The following PRRC2B variants were observed in gnomAD, a reference collection of about 807,000 sequenced individuals.
The protein encoded by PRRC2B is protein PRRC2B.
PRRC2B carries 68 observed loss-of-function variants against 242.3 expected under a neutral mutation model. That is an observed-to-expected ratio of 0.28 (90% CI 0.23 to 0.34). The LOEUF (loss-of-function observed/expected upper bound fraction) is 0.34. Among genes scored for constraint, PRRC2B ranks in the 10% least tolerant of loss-of-function variants. The probability of loss-of-function intolerance (pLI) is 1.00; values close to 1 mark genes in which losing one functional copy is unlikely to be tolerated. For synonymous variants in PRRC2B, 1,228 were observed against 1,173.6 expected (o/e 1.05, Z -0.95); for missense variants, 2,835 against 2,954.8 (o/e 0.96, Z 0.94).
chr9:131,449,746 T>C (rs949887154), intron 9 of PRRC2B, among the ~76,000 whole-genome samples: 8 of 152,240 alleles, frequency 5.3e-5, no homozygotes, highest in African/African-American at 1.9e-4. Context: ...TTTTGAAGTT[T>C]AATTTACAAA....
intron 4 of PRRC2B, among the ~76,000 whole-genome samples, chr9:131,438,233 CG>C (rs567404786): frequency 1.2e-3 from 181 of 152,190 alleles, no homozygotes; most frequent in African/African-American, 4.2e-3. Flanking sequence ...GTGGAAAAGA[CG>C]GGTGAGCTTA....
chr9:131,421,070 T>C (rs2131310696), intron 1 of PRRC2B, among the ~76,000 whole-genome samples: 1 of 152,344 alleles, frequency 6.6e-6, no homozygotes, highest in African/African-American at 2.4e-5. Context: ...GCTACTTCCA[T>C]GCTACGACGA....
intron 1 of PRRC2B, among the ~76,000 whole-genome samples, chr9:131,417,370 A>G (rs1391667984): frequency 6.6e-6 from 1 of 151,168 alleles, no homozygotes; most frequent in African/African-American, 2.4e-5. Context: ...TCAAGTCTAG[A>G]CTTCTCTTGT....
intron 1 of PRRC2B, among the ~76,000 whole-genome samples, chr9:131,401,140 G>A (rs1015895091): frequency 2.0e-5 from 3 of 151,948 alleles, no homozygotes; most frequent in African/African-American, 7.2e-5. Flanking sequence ...TTCACAACTT[G>A]TAAATAGGTG....
At chr9:131,421,623 T>C (rs565693191) in intron 1 of PRRC2B, among the ~76,000 whole-genome samples, 9 of 152,238 alleles carry the variant, frequency 5.9e-5, no homozygotes, top group Non-Finnish European at 1.2e-4. Context: ...CAGGGCACGT[T>C]GCAGCACTCA....
chr9:131,422,046 C>CT (rs1332859703), intron 1 of PRRC2B, among the ~76,000 whole-genome samples: 5 of 151,938 alleles, frequency 3.3e-5, no homozygotes, highest in Admixed American at 6.6e-5. Context: ...TTCTTTCTTT[C>CT]TTTTTTTTAT....
chr9:131,445,500 G>A (rs1838769855), intron 6 of PRRC2B, among the ~76,000 whole-genome samples: 1 of 152,186 alleles, frequency 6.6e-6, no homozygotes, highest in Non-Finnish European at 1.5e-5. Flanking sequence ...GTCTTTCTGG[G>A]GTTAATTAAG....
intron 3 of PRRC2B, 114 bp downstream of exon 3, chr9:131,432,908 A>G: frequency 9.6e-7 from 1 of 1,045,014 alleles, no homozygotes. Context: ...CTAGTCTTGC[A>G]GTGGCAGAAT....
chr9:131,407,845 C>T (rs1837406348), intron 1 of PRRC2B, among the ~76,000 whole-genome samples: 3 of 152,144 alleles, frequency 2.0e-5, no homozygotes, highest in Non-Finnish European at 4.4e-5. Context: ...ACCTCTGAGC[C>T]TCTGTTCCCT....
intron 1 of PRRC2B, among the ~76,000 whole-genome samples, chr9:131,394,999 C>A (rs189661941): frequency 6.6e-6 from 1 of 151,878 alleles, no homozygotes; most frequent in African/African-American, 2.4e-5. Flanking sequence ...CCCCTCAACC[C>A]CCAGGAGAGA....
intron 6 of PRRC2B, among the ~76,000 whole-genome samples, chr9:131,445,254 G>A (rs1049721416): frequency 6.6e-6 from 1 of 151,922 alleles, no homozygotes; most frequent in South Asian, 2.1e-4. Flanking sequence ...TCCGCCTCCC[G>A]GGTTCAAGTG....
At chr9:131,469,282 C>T (rs547142866) in intron 13 of PRRC2B, among the ~76,000 whole-genome samples, 38 of 152,188 alleles carry the variant, frequency 2.5e-4, no homozygotes, top group African/African-American at 6.7e-4. Context: ...TGCAGTGAGC[C>T]GTGGTCGCAC....
chr9:131,390,398 G>C (rs1369349509), upstream of PRRC2B, among the ~76,000 whole-genome samples: 1 of 149,218 alleles, frequency 6.7e-6, no homozygotes, highest in Non-Finnish European at 1.5e-5. Flanking sequence ...TTCTCTCCAT[G>C]AGGATGGTCA....
At chr9:131,445,270 C>T (rs963327584) in intron 6 of PRRC2B, among the ~76,000 whole-genome samples, 3 of 152,094 alleles carry the variant, frequency 2.0e-5, no homozygotes, top group African/African-American at 7.2e-5. Flanking sequence ...AAGTGATTCT[C>T]CTGCCTCAGG....
intron 1 of PRRC2B, among the ~76,000 whole-genome samples, chr9:131,427,343 GTT>G (rs1392414097): frequency 4.6e-5 from 7 of 151,200 alleles, no homozygotes; most frequent in Non-Finnish European, 4.4e-5. Flanking sequence ...GTGTGTGTGT[GTT>G]TTTTTGATGG....
Position 131,459,225 on chromosome 9 carries a change from G to A in PRRC2B, c.1273G>A (p.Ala425Thr), listed in dbSNP as rs372489984. 46 of 1,613,894 alleles carry A rather than the reference G, an allele frequency of 2.9e-5. No individual in the cohort carries two copies. The African/African-American group carries it at 3.1e-4, about 11-fold the overall frequency. Residue 425 changes from alanine to threonine, a missense_variant, in exon 11 of 32, where the codon GCT becomes ACT. Coordinates refer to ENST00000683519, the MANE Select transcript of PRRC2B (RefSeq NM_013318.4). ...AATGAGCTCTGCAGACAGTGCGGAC[G>A]CTAAGCGGACTCGAGAGGAAGGGAA... is the stretch of plus-strand genomic sequence containing the variant. ...LSMSSADSAD[A>T]KRTREEGKDW...
intron 26 of PRRC2B, 59 bp downstream of exon 26, chr9:131,486,241 CGGAAT>C: frequency 8.8e-7 from 1 of 1,129,952 alleles, no homozygotes; most frequent in Non-Finnish European, 1.3e-6. Context: ...CAGTGCAGGG[CGGAAT>C]TGGCTTGCTC....
intron 13 of PRRC2B, 50 bp from the exon 14 acceptor site, chr9:131,470,725 TTGGGTGGCATCTC>T: frequency 7.2e-7 from 1 of 1,389,526 alleles, no homozygotes; most frequent in Non-Finnish European, 1.0e-6. Context: ...AGGGCGTGTG[TTGGGTGGCATCTC>T]TGTCCCTGGC....
intron 9 of PRRC2B, among the ~76,000 whole-genome samples, chr9:131,450,087 C>T (rs770547666): frequency 6.6e-5 from 10 of 152,254 alleles, no homozygotes; most frequent in Middle Eastern, 6.8e-3. Flanking sequence ...ATACCAGTAC[C>T]ACACTGTGGG....
Sources: gnomAD v4.1 joint callset for allele counts (sites outside exome capture counted in the v4.1 genomes callset) on GRCh38, gnomAD v4.1.1 for gene constraint, MANE v1.5 for transcripts, NCBI Gene and HGNC (gene_info 2026-07-23, HGNC 2026-07-21) for gene names.